FSTL4: variants seen among roughly 807,000 people sequenced by gnomAD.
The protein encoded by FSTL4 is follistatin-related protein 4.
In FSTL4, 28 loss-of-function variants were observed where a neutral mutation model predicts 78.2. The ratio of observed to expected loss-of-function variants is 0.36; its 90% CI spans 0.27 to 0.49. The LOEUF (loss-of-function observed/expected upper bound fraction) is 0.49. Among genes scored for constraint, FSTL4 ranks in the 20% least tolerant of loss-of-function variants. FSTL4 has a pLI of 0.98. For missense variants in FSTL4, 922 were observed against 1,084.9 expected, an observed-to-expected ratio of 0.85 and a Z score of 2.11; for synonymous variants, 422 against 440.5, an observed-to-expected ratio of 0.96 and a Z score of 0.53.
intron 7 of FSTL4, among the ~76,000 whole-genome samples, chr5:133,246,136 T>A (rs1460128236): frequency 6.6e-6 from 1 of 152,302 alleles, no homozygotes; most frequent in East Asian, 1.9e-4. Context: ...TGAAGGCCGA[T>A]CAGCTTGCCC....
chr5:133,230,513 A>AG (rs1283551937), intron 8 of FSTL4, among the ~76,000 whole-genome samples: 3 of 152,204 alleles, frequency 2.0e-5, no homozygotes, highest in Non-Finnish European at 4.4e-5. Context: ...CTCCATTAGC[A>AG]GGGGCAAAAA....
intron 3 of FSTL4, among the ~76,000 whole-genome samples, chr5:133,484,660 C>T (rs1030779474): frequency 1.3e-5 from 2 of 152,218 alleles, no homozygotes; most frequent in Non-Finnish European, 2.9e-5. Flanking sequence ...TTTCTACACG[C>T]TGCTCAGCAA....
At chr5:133,626,660 C>G in the FSTL4 span, among the ~76,000 whole-genome samples, 37,626 of 151,466 alleles carry the variant, frequency 0.25, 6,058 homozygotes, top group African/African-American at 0.47. Flanking sequence ...TTATTTAGAA[C>G]TGTGTTGTTA....
chr5:133,826,272 C>T, the FSTL4 span, among the ~76,000 whole-genome samples: 1 of 152,202 alleles, frequency 6.6e-6, no homozygotes, highest in Non-Finnish European at 1.5e-5. Context: ...TAAAAAGATG[C>T]CACAGTGATT....
At chr5:133,755,997 A>T in the FSTL4 span, among the ~76,000 whole-genome samples, 2 of 152,222 alleles carry the variant, frequency 1.3e-5, no homozygotes, top group Admixed American at 1.3e-4. Context: ...GCAAAATGCA[A>T]CACAACAGAA....
chr5:133,526,506 C>T (rs1167929391), intron 3 of FSTL4, among the ~76,000 whole-genome samples: 1 of 152,080 alleles, frequency 6.6e-6, no homozygotes, highest in Non-Finnish European at 1.5e-5. Flanking sequence ...GGTAAGGATC[C>T]CCCACGGATG....
the FSTL4 span, among the ~76,000 whole-genome samples, chr5:133,701,500 CACACACA>C: frequency 3.0e-5 from 4 of 133,836 alleles, no homozygotes; most frequent in Admixed American, 1.5e-4. Flanking sequence ...CACACACACA[CACACACA>C]CACCCCACAG....
chr5:133,493,701 T>C (rs1758315773), intron 3 of FSTL4, among the ~76,000 whole-genome samples: 1 of 152,208 alleles, frequency 6.6e-6, no homozygotes, highest in Non-Finnish European at 1.5e-5. Flanking sequence ...ATTGGCTTGC[T>C]CACTCGTCAC....
chr5:133,282,017 T>C (rs1277524884), intron 6 of FSTL4, among the ~76,000 whole-genome samples: 3 of 152,114 alleles, frequency 2.0e-5, no homozygotes, highest in African/African-American at 7.2e-5. Flanking sequence ...GAAGCATGAA[T>C]TCATAGAGCA....
chr5:133,447,197 G>C (rs1271825973), intron 3 of FSTL4, among the ~76,000 whole-genome samples: 1 of 152,224 alleles, frequency 6.6e-6, no homozygotes. Flanking sequence ...ACCAGCCTGT[G>C]TGACAGCCGG....
At chr5:133,713,640 G>A in the FSTL4 span, among the ~76,000 whole-genome samples, 1 of 152,138 alleles carries the variant, frequency 6.6e-6, no homozygotes, top group Non-Finnish European at 1.5e-5. Context: ...GTTTGGGCCA[G>A]TCCAACCCCC....
At position 133,279,988 on chromosome 5, in the gene FSTL4, C is replaced by A. The variant is rs550021082; in HGVS notation, c.728-30412G>T. ...GCTGCAAGCCAAGGAATACCAGGAG[C>A]CACCAGAAGTGGAAGAGGCAAGGGC... On this transcript the variant is annotated intron_variant, in intron 6 of 15. Transcript: ENST00000265342. Among the ~76,000 whole-genome samples, 58 of 152,256 alleles carry A rather than the reference C, an allele frequency of 3.8e-4. No individual in the cohort carries two copies. The South Asian group carries it at 0.011, about 29-fold the overall frequency.
chr5:133,264,005 T>A (rs556526785), intron 6 of FSTL4, among the ~76,000 whole-genome samples: 1 of 152,180 alleles, frequency 6.6e-6, no homozygotes, highest in Non-Finnish European at 1.5e-5. Context: ...TGGTATACAT[T>A]AGTGCCTCTC....
chr5:133,345,742 A>C (rs543579360), intron 4 of FSTL4, among the ~76,000 whole-genome samples: 2 of 152,338 alleles, frequency 1.3e-5, no homozygotes, highest in East Asian at 3.9e-4. Context: ...GTCAGGAAAC[A>C]GATGCTGGAA....
the FSTL4 span, among the ~76,000 whole-genome samples, chr5:133,718,328 C>T: frequency 1.3e-5 from 2 of 152,140 alleles, no homozygotes; most frequent in Non-Finnish European, 2.9e-5. Flanking sequence ...ATCCGCCTGC[C>T]TCGGCCTCCC....
chr5:133,538,767 T>G (rs139761098), intron 3 of FSTL4, among the ~76,000 whole-genome samples: 4 of 152,312 alleles, frequency 2.6e-5, no homozygotes, highest in African/African-American at 9.6e-5. Context: ...AACACTTATT[T>G]TATTATCTTT....
At chr5:133,576,564 G>C (rs960396640) in intron 2 of FSTL4, among the ~76,000 whole-genome samples, 1 of 152,178 alleles carries the variant, frequency 6.6e-6, no homozygotes, top group Non-Finnish European at 1.5e-5. Flanking sequence ...AAGCAGAAAG[G>C]AGTCCGCTGT....
chr5:133,678,902 G>A, the FSTL4 span, among the ~76,000 whole-genome samples: 6 of 152,256 alleles, frequency 3.9e-5, no homozygotes, highest in East Asian at 1.9e-4. Flanking sequence ...GAGGGTGGGC[G>A]TGGCAGGATA....
chr5:133,393,491 G>A (rs1196476674), intron 4 of FSTL4, among the ~76,000 whole-genome samples: 3 of 152,228 alleles, frequency 2.0e-5, no homozygotes, highest in Non-Finnish European at 4.4e-5. Flanking sequence ...GGAGCTTAAA[G>A]TGAAGGCCAG....
Sources: gnomAD v4.1 joint callset for allele counts (sites outside exome capture counted in the v4.1 genomes callset) on GRCh38, gnomAD v4.1.1 for gene constraint, MANE v1.5 for transcripts, NCBI Gene and HGNC (gene_info 2026-07-23, HGNC 2026-07-21) for gene names.